The following PAK5 variants were observed in gnomAD, a reference collection of about 807,000 sequenced individuals.
PAK5 encodes p21 (RAC1) activated kinase 5, also known as serine/threonine-protein kinase PAK 5.
In PAK5, 16 loss-of-function variants were observed where a neutral mutation model predicts 65.9. The observed-to-expected ratio is 0.24, with a 90% CI of 0.16 to 0.37. The LOEUF is 0.37. PAK5 is among the 10% of genes least tolerant of loss of function. PAK5 has a pLI of 1.00. For synonymous variants in PAK5, 371 were observed against 354.9 expected, an observed-to-expected ratio of 1.05 and a Z score of -0.51; for missense variants, 785 against 903.9, an observed-to-expected ratio of 0.87 and a Z score of 1.69.
rs993176108 is a variant in PAK5, at chr20:9,689,182, T to G, written c.-12+22104A>C. 2.0e-5 allele frequency among the ~76,000 whole-genome samples: 3 copies of G among 152,264 alleles called. 1 individual carries two copies. In the South Asian group the frequency reaches 6.2e-4, roughly 32 times the overall value. On this transcript the variant is annotated intron_variant, in intron 2 of 9. Transcript: ENST00000353224. Reference sequence around the variant, plus strand: ...TTCATTTGTTTTCTGAGTCAGGAGGTGTCACTGCTCTGCAAACTCCCCTCT... The same window carrying G: ...TTCATTTGTTTTCTGAGTCAGGAGGGGTCACTGCTCTGCAAACTCCCCTCT...
At chr20:9,588,144 TAG>T (rs111863950) in intron 3 of PAK5, among the ~76,000 whole-genome samples, 12,904 of 152,108 alleles carry the variant, frequency 0.085, 1,154 homozygotes, top group African/African-American at 0.23. Flanking sequence ...CTAGAAGCCT[TAG>T]AGTTATTGAT....
intron 7 of PAK5, among the ~76,000 whole-genome samples, chr20:9,552,683 G>A (rs557953480): frequency 4.6e-5 from 7 of 151,096 alleles, no homozygotes; most frequent in Admixed American, 1.3e-4. Flanking sequence ...AGCAATTCTC[G>A]GTCATTTTTC....
chr20:9,760,481 C>A (rs1378560171), intron 1 of PAK5, among the ~76,000 whole-genome samples: 4 of 150,910 alleles, frequency 2.7e-5, no homozygotes, highest in African/African-American at 9.7e-5. Context: ...GAAGTGTCAA[C>A]ATTAATTCTA....
chr20:9,812,512 A>C (rs1265846252), intron 1 of PAK5, among the ~76,000 whole-genome samples: 1 of 152,184 alleles, frequency 6.6e-6, no homozygotes, highest in Non-Finnish European at 1.5e-5. Flanking sequence ...TCTCAGACAG[A>C]AAACAGGTTG....
At chr20:9,810,895 A>G (rs189385999) in intron 1 of PAK5, among the ~76,000 whole-genome samples, 468 of 152,336 alleles carry the variant, frequency 3.1e-3, no homozygotes, top group African/African-American at 0.011. Flanking sequence ...ACATATATAC[A>G]TACATACATA....
intron 1 of PAK5, among the ~76,000 whole-genome samples, chr20:9,730,827 T>G (rs2048328037): frequency 6.6e-6 from 1 of 152,236 alleles, no homozygotes; most frequent in Non-Finnish European, 1.5e-5. Flanking sequence ...CTTGATCTAT[T>G]ATATAAGGAC....
intron 3 of PAK5, among the ~76,000 whole-genome samples, chr20:9,643,237 C>T (rs551364755): frequency 2.0e-5 from 3 of 152,188 alleles, no homozygotes; most frequent in South Asian, 2.1e-4. Flanking sequence ...TGGAATGATC[C>T]ACTGGATAAT....
Position 9,770,472 on chromosome 20 carries a change from C to T in PAK5, c.-161-59037G>A, listed in dbSNP as rs551245378. ...TACTCGGCAGCTCTAAGGACCCATG[C>T]GTGGTTTGTAGTCATGGCTGTAAAG... On this transcript the variant is annotated intron_variant, in intron 1 of 9. Transcript: ENST00000353224. 2.3e-4 allele frequency among the ~76,000 whole-genome samples: 35 copies of T among 152,158 alleles called. No homozygotes were observed. In the East Asian group the frequency reaches 6.6e-3, roughly 29 times the overall value.
chr20:9,771,823 T>A (rs1429831249), intron 1 of PAK5, among the ~76,000 whole-genome samples: 1 of 152,054 alleles, frequency 6.6e-6, no homozygotes, highest in African/African-American at 2.4e-5. Flanking sequence ...GCGGATCACT[T>A]GAGCAGGAGT....
At chr20:9,642,411 A>G (rs1337405640) in intron 3 of PAK5, among the ~76,000 whole-genome samples, 1 of 152,216 alleles carries the variant, frequency 6.6e-6, no homozygotes, top group Non-Finnish European at 1.5e-5. Context: ...TTATCCAATG[A>G]TAATGATAAT....
At chr20:9,646,759 C>T (rs1244083970) in intron 2 of PAK5, among the ~76,000 whole-genome samples, 1 of 152,166 alleles carries the variant, frequency 6.6e-6, no homozygotes, top group Non-Finnish European at 1.5e-5. Flanking sequence ...GCTTGTCTGC[C>T]CTCTTGCTGT....
rs987228994 is a variant in PAK5, at chr20:9,630,812, G to A, written c.204+13313C>T. ...ATTTGCCTGGCTGGATTTCAGAAGA[G>A]TCACGGACCAGTAATTCCCTTTTTC... is the stretch of plus-strand genomic sequence containing the variant. On this transcript the variant is annotated intron_variant, in intron 3 of 9. Transcript: ENST00000353224. Among the ~76,000 whole-genome samples, 18 of 152,150 alleles carry A rather than the reference G, an allele frequency of 1.2e-4. 1 individual carries two copies. Among genetic ancestry groups the A allele is most frequent in the Non-Finnish European group, 2.6e-4 (18 of 68,030 alleles).
chr20:9,649,608 C>T (rs2047177561), intron 2 of PAK5, among the ~76,000 whole-genome samples: 1 of 152,308 alleles, frequency 6.6e-6, no homozygotes, highest in South Asian at 2.1e-4. Context: ...AGTCTAAAAG[C>T]TCCAACATGC....
chr20:9,794,178 G>A (rs1360376738), intron 1 of PAK5, among the ~76,000 whole-genome samples: 1 of 151,748 alleles, frequency 6.6e-6, no homozygotes, highest in African/African-American at 2.4e-5. Context: ...GTCATGTTGG[G>A]GGGTGGGGGC....
rs1022324100 is a variant in PAK5 at position 9,765,062 on chromosome 20, T to C, written c.-161-53627A>G. On this transcript the variant is annotated intron_variant, in intron 1 of 9. Transcript: ENST00000353224. ...CATGTATAACCCTCACCTGTCTCCT[T>C]TGCTCCAGCGGTGACCATGGAGACT... Among the ~76,000 whole-genome samples, 4 of 152,272 alleles carry C rather than the reference T, an allele frequency of 2.6e-5. No individual in the cohort carries two copies. In the South Asian group the frequency reaches 8.3e-4, roughly 32 times the overall value.
chr20:9,559,306 T>C (rs2045558905), intron 6 of PAK5, among the ~76,000 whole-genome samples: 1 of 152,104 alleles, frequency 6.6e-6, no homozygotes, highest in South Asian at 2.1e-4. Flanking sequence ...AAGGACAAAC[T>C]TGTGAAACTC....
At chr20:9,551,527 T>A (rs920419914) in intron 7 of PAK5, among the ~76,000 whole-genome samples, 5 of 152,072 alleles carry the variant, frequency 3.3e-5, no homozygotes, top group African/African-American at 1.2e-4. Context: ...TGGGGGCTAG[T>A]GAGAGTGGGC....
Position 9,580,129 on chromosome 20 carries a change from AG to A in PAK5, c.990+15del. On this transcript the variant is annotated intron_variant, in intron 4 of 9. Coordinates refer to ENST00000353224, the MANE Select transcript of PAK5 (RefSeq NM_177990.4). ...GGTTTTTGCACACGTGAGGGAAAGG[AG>A]GTAGCAAACGTTACCTTTGGAATGC... 1 of 1,593,388 alleles carries A rather than the reference AG, an allele frequency of 6.3e-7. No homozygotes were observed. The highest frequency in any genetic ancestry group is 8.6e-7 in the Non-Finnish European group (1 of 1,167,716).
intron 7 of PAK5, among the ~76,000 whole-genome samples, chr20:9,550,292 G>A (rs2045406734): frequency 1.3e-5 from 2 of 152,198 alleles, no homozygotes; most frequent in South Asian, 2.1e-4. Context: ...GTGATGTACA[G>A]CAGAGGTGAG....
Sources: allele counts gnomAD v4.1 joint callset (sites outside exome capture counted in the v4.1 genomes callset), GRCh38; gene constraint gnomAD v4.1.1; transcripts MANE v1.5; gene names NCBI Gene and HGNC (gene_info 2026-07-23, HGNC 2026-07-21).